The following OVCH2 variants were observed in gnomAD, a reference collection of about 807,000 sequenced individuals.
OVCH2 encodes ovochymase-2.
OVCH2 carries 88 observed loss-of-function variants against 73.7 expected under a neutral mutation model. That is an observed-to-expected ratio of 1.19 (90% CI 1.01 to 1.43). OVCH2 has a LOEUF of 1.43. Ranked by LOEUF, OVCH2 falls within the 40% of genes most tolerant of loss-of-function variation. The pLI is 0.00. For synonymous variants in OVCH2, 265 were observed against 234.5 expected (o/e 1.13, Z -1.19); for missense variants, 706 against 674.5 (o/e 1.05, Z -0.52).
In OVCH2 at chr11:7,704,568, C is replaced by A. The variant is rs1158816737; in HGVS notation, c.195G>T (p.Trp65Cys). 6.3e-7 allele frequency: 1 copy of A among 1,599,854 alleles called. No individual in the cohort carries two copies. Among genetic ancestry groups the A allele is most frequent in the Non-Finnish European group, 8.6e-7 (1 of 1,168,512 alleles). Residue 65 changes from tryptophan (W) to cysteine (C), a missense_variant, in exon 2 of 16, where the codon TGG (tryptophan) becomes TGT (cysteine). Coordinates refer to ENST00000533663, the MANE Select transcript of OVCH2 (RefSeq NM_198185.7). ...GSQVEKGSYP[W>C]QVSLKQRQKH... ...CATAGAAGTCCTTGAGACTCACCTG[C>A]CAGGGATAGGAACCCTTCTCCACTT...
chr11:7,694,175 A>C (rs1259428012), intron 12 of OVCH2, among the ~76,000 whole-genome samples: 1 of 152,108 alleles, frequency 6.6e-6, no homozygotes, highest in East Asian at 1.9e-4. Flanking sequence ...ATTTTAAAAG[A>C]AAGATCTATG....
intron 1 of OVCH2, among the ~76,000 whole-genome samples, chr11:7,704,949 G>A (rs1280160002): frequency 6.6e-6 from 1 of 152,140 alleles, no homozygotes; most frequent in Non-Finnish European, 1.5e-5. Flanking sequence ...CCCTCTTTAT[G>A]TAAAATACTT....
At chr11:7,694,996 G>A in intron 12 of OVCH2, 62 bp downstream of exon 12, 1 of 1,509,190 alleles carries the variant, frequency 6.6e-7, no homozygotes, top group Non-Finnish European at 8.9e-7. Context: ...TGACCTCATG[G>A]TGCTTATGTT....
intron 7 of OVCH2, chr11:7,700,036 T>C (rs913167212): frequency 5.0e-6 from 2 of 402,232 alleles, no homozygotes; most frequent in African/African-American, 4.0e-5. Context: ...TCAACTGAGA[T>C]AGTTTCAATT....
chr11:7,695,189 C>G lies in OVCH2; in HGVS notation c.1283-1G>C. On this transcript the variant is annotated splice_acceptor_variant, in intron 11 of 15. Coordinates refer to ENST00000533663, the MANE Select transcript of OVCH2 (RefSeq NM_198185.7). LOFTEE classifies it high-confidence loss of function. ...ACAGTTAAGTAACTGCAACCTGAAT[C>G]TGAAACGTAAGAAAAAGTCCAAACA... The G allele has an allele frequency of 1.3e-6, 2 of 1,554,320 alleles. No individual in the cohort carries two copies. Among genetic ancestry groups the G allele is most frequent in the Non-Finnish European group, 1.7e-6 (2 of 1,151,412 alleles).
chr11:7,695,789 T>C, intron 10 of OVCH2, 79 bp from the exon 11 acceptor site: 1 of 1,524,174 alleles, frequency 6.6e-7, no homozygotes. Context: ...AGAACTGAAT[T>C]TGCCATGATA....
chr11:7,683,941 T>G, the OVCH2 span, among the ~76,000 whole-genome samples: 1 of 151,920 alleles, frequency 6.6e-6, no homozygotes, highest in Non-Finnish European at 1.5e-5. Context: ...TCACCAGCAT[T>G]CACTATCCCC....
In OVCH2 at chr11:7,691,342, G is replaced by A. The variant is rs1856215863; in HGVS notation, c.1566C>T (p.Leu522=). 3.1e-6 allele frequency: 5 copies of A among 1,613,868 alleles called. No homozygotes were observed. Among genetic ancestry groups the A allele is most frequent in the Non-Finnish European group, 4.2e-6 (5 of 1,179,854 alleles). Residue 522 remains leucine (L), a synonymous_variant, in exon 14 of 16, where the codon CTC becomes CTT. Coordinates refer to ENST00000533663, the MANE Select transcript of OVCH2 (RefSeq NM_198185.7). ...TPVLSPSSIM[L]ISFQSDENGT... is the part of the protein sequence containing the mutation. ...CGTTTTCATCTGATTGGAAGCTGAT[G>A]AGCATGATGCTGGAGGGGCTCAGCA...
At chr11:7,689,838 A>AACCC (rs1295308024) in intron 15 of OVCH2, 86 bp downstream of exon 15, 1 of 818,200 alleles carries the variant, frequency 1.2e-6, no homozygotes, top group Non-Finnish European at 2.0e-6. Context: ...TTGGAGGAAG[A>AACCC]TGGAATTAAA....
chr11:7,681,833 G>A, the OVCH2 span, among the ~76,000 whole-genome samples: 36 of 144,302 alleles, frequency 2.5e-4, no homozygotes, highest in African/African-American at 7.6e-4. Flanking sequence ...CTTCCAGGAC[G>A]GGGAGAAGGG....
At position 7,689,986 on chromosome 11, in the gene OVCH2, G is replaced by C; in HGVS notation, c.1667C>G (p.Ser556Ter). 2 of 1,525,962 alleles carry C rather than the reference G, an allele frequency of 1.3e-6. No homozygotes were observed. Among genetic ancestry groups the C allele is most frequent in the Non-Finnish European group, 1.8e-6 (2 of 1,137,828 alleles). The allele number at this position is 1,525,962 out of a possible 1,614,324, so 94.5% of individuals were successfully genotyped here. ...CTCCAGAAACATTGATTCATCCTCT[G>C]ATATGGAGATGTTTAAATCTGGGTA... Reference protein sequence around the residue: ...AVYPDLNISISEDESMFLET With the variant: ...AVYPDLNISI The change falls in exon 15 of 16, where the codon TCA becomes TGA. Residue 556 changes from serine to a stop codon, truncating the protein, a stop_gained. Transcript: ENST00000533663. LOFTEE classifies it high-confidence loss of function.
chr11:7,700,288 TTA>T lies in OVCH2; in HGVS notation c.901+6_901+7del, dbSNP rs779585807. 1.2e-6 allele frequency: 2 copies of T among 1,612,768 alleles called. No homozygotes were observed. The highest frequency in any genetic ancestry group is 8.5e-7 in the Non-Finnish European group (1 of 1,179,012). On this transcript the variant is annotated splice_donor_region_variant and intron_variant, in intron 7 of 15. Transcript: ENST00000533663. ...CAGCTTCTTAACCTTGTGTGATGGC[TTA>T]GTTACCAGTTTGGATGTGTTCGTGG...
downstream of OVCH2, among the ~76,000 whole-genome samples, chr11:7,685,167 G>A (rs1282609861): frequency 6.6e-6 from 1 of 152,150 alleles, no homozygotes; most frequent in African/African-American, 2.4e-5. Context: ...GGCACACAGA[G>A]AAGTCGAGTG....
chr11:7,695,767 A>G, intron 10 of OVCH2, 57 bp from the exon 11 acceptor site: 1 of 1,553,462 alleles, frequency 6.4e-7, no homozygotes, highest in Non-Finnish European at 8.7e-7. Flanking sequence ...GTTCCCATTC[A>G]ATGATTTAAG....
chr11:7,683,717 C>T, the OVCH2 span, among the ~76,000 whole-genome samples: 18 of 152,312 alleles, frequency 1.2e-4, no homozygotes, highest in African/African-American at 4.1e-4. Flanking sequence ...TCATGACTCT[C>T]CAGACATAAC....
intron 8 of OVCH2, among the ~76,000 whole-genome samples, chr11:7,697,217 T>C (rs776601340): frequency 2.6e-5 from 4 of 152,072 alleles, no homozygotes; most frequent in Non-Finnish European, 5.9e-5. Flanking sequence ...TTTGAAGAAA[T>C]TATTTGTGAG....
chr11:7,690,393 G>T (rs1159536758), intron 14 of OVCH2, among the ~76,000 whole-genome samples: 1 of 152,112 alleles, frequency 6.6e-6, no homozygotes, highest in South Asian at 2.1e-4. Context: ...GTGGCCAAGT[G>T]TATCTTATCT....
intron 12 of OVCH2, among the ~76,000 whole-genome samples, chr11:7,694,608 T>TG (rs1856286609): frequency 1.3e-5 from 1 of 74,708 alleles, no homozygotes; most frequent in Admixed American, 1.4e-4. Context: ...AACACAAAGT[T>TG]TTTGTTTTGT....
chr11:7,690,866 T>C (rs532714020), intron 14 of OVCH2, among the ~76,000 whole-genome samples: 1 of 152,258 alleles, frequency 6.6e-6, no homozygotes, highest in South Asian at 2.1e-4. Context: ...TGTTCCTAAG[T>C]GCAAAACTCT....
Sources: allele counts gnomAD v4.1 joint callset (sites outside exome capture counted in the v4.1 genomes callset), GRCh38; gene constraint gnomAD v4.1.1; transcripts MANE v1.5; gene names NCBI Gene and HGNC (gene_info 2026-07-23, HGNC 2026-07-21).